Variants in ARX observed in about 807,000 individuals in gnomAD.
ARX encodes the protein homeobox protein ARX.
Under a neutral mutation model 23.1 loss-of-function variants are expected in ARX, and 1 was observed. That is an observed-to-expected ratio of 0.04 (90% confidence interval 0.02 to 0.21). ARX has a LOEUF of 0.21. ARX is among the 10% of genes least tolerant of loss of function. The probability of loss-of-function intolerance (pLI) is 1.00; values close to 1 mark genes in which losing one functional copy is unlikely to be tolerated. For missense variants in ARX, 380 were observed against 527.5 expected, an observed-to-expected ratio of 0.72 and a Z score of 2.74; for synonymous variants, 301 against 270.1, an observed-to-expected ratio of 1.11 and a Z score of -1.12.
chrX:25,011,120 C>G (rs887474871), intron 2 of ARX, among the ~76,000 whole-genome samples: 6 of 112,286 alleles, frequency 5.3e-5, no homozygotes, highest in Non-Finnish European at 9.4e-5. Flanking sequence ...ATGACCGCGC[C>G]GAGAATAATT....
chrX:25,007,546 C>G, intron 3 of ARX, 107 bp from the exon 4 acceptor site: 5 of 971,000 alleles, frequency 5.1e-6, no homozygotes, highest in Non-Finnish European at 6.7e-6. Flanking sequence ...TTCCTTTCCA[C>G]CGCGGCCCGC....
At chrX:25,007,548 G>A (rs1408144181) in intron 3 of ARX, 109 bp from the exon 4 acceptor site, 18 of 965,677 alleles carry the variant, frequency 1.9e-5, no homozygotes, top group East Asian at 3.9e-5. Flanking sequence ...CCTTTCCACC[G>A]CGGCCCGCGC....
At chrX:25,009,856 C>G (rs1400241301) in intron 3 of ARX, among the ~76,000 whole-genome samples, 1 of 111,331 alleles carries the variant, frequency 9.0e-6, no homozygotes, top group Non-Finnish European at 1.9e-5. Context: ...TTAATCGCAG[C>G]CAAATACCTG....
chrX:25,006,386 A>G (rs1305812159), intron 4 of ARX, among the ~76,000 whole-genome samples: 1 of 112,950 alleles, frequency 8.9e-6, no homozygotes, highest in South Asian at 3.6e-4. Context: ...CCAAAGAGTG[A>G]TCATTGAAGC....
intron 4 of ARX, chrX:25,006,117 G>C (rs915392737): frequency 8.9e-6 from 1 of 112,060 alleles, no homozygotes; most frequent in African/African-American, 3.3e-5. Flanking sequence ...ACTTGTCAGA[G>C]GGAAAAAGTG....
At chrX:25,007,071 G>T in intron 4 of ARX, 40 bp downstream of exon 4, 3 of 1,160,697 alleles carry the variant, frequency 2.6e-6, no homozygotes, top group Non-Finnish European at 3.5e-6. Flanking sequence ...GTGTGTATGA[G>T]AGACAGACAG....
chrX:25,014,206 T>G (rs909591068), intron 1 of ARX, among the ~76,000 whole-genome samples: 2 of 110,136 alleles, frequency 1.8e-5, no homozygotes, highest in Admixed American at 1.9e-4. Flanking sequence ...CCTTTCTTTC[T>G]CTTTTTGCAG....
rs2048682544 is a variant in ARX, at chrX:25,007,284, C to A, written c.1275G>T (p.Ala425=). 3 of 1,117,215 alleles carry A rather than the reference C, an allele frequency of 2.7e-6. No homozygotes were observed. The highest frequency in any genetic ancestry group is 3.5e-6 in the Non-Finnish European group (3 of 855,632). 92.1% of individuals were successfully genotyped at this position (1,117,215 alleles called of 1,213,427 possible). Reference sequence around the variant, plus strand: ...CAGCGGCAGTCCAAGCGGAGTCGAGCGCCGGGTGGTGCGGAGGGAAGGGGC... The same window carrying A: ...CAGCGGCAGTCCAAGCGGAGTCGAGAGCCGGGTGGTGCGGAGGGAAGGGGC... ...DASPFPPHHP[A]LDSAWTAAAA... Residue 425 remains alanine, a synonymous_variant, in exon 4 of 5, where the codon GCG becomes GCT. Coordinates refer to ENST00000379044, the MANE Select transcript of ARX (RefSeq NM_139058.3).
Sources: gnomAD v4.1 joint callset for allele counts (sites outside exome capture counted in the v4.1 genomes callset) on GRCh38, gnomAD v4.1.1 for gene constraint, MANE v1.5 for transcripts, NCBI Gene and HGNC (gene_info 2026-07-23, HGNC 2026-07-21) for gene names.